The following GPR39 variants were observed in gnomAD, a reference collection of about 807,000 sequenced individuals.
GPR39 encodes the protein zinc sensing receptor.
A neutral mutation model predicts 18.4 loss-of-function variants in GPR39; 23 were observed. That is an observed-to-expected ratio of 1.25 (90% confidence interval 0.90 to 1.77). The LOEUF (loss-of-function observed/expected upper bound fraction) is 1.77. GPR39 is among the 40% of genes most tolerant of loss of function. GPR39 has a pLI of 0.00. For missense variants in GPR39, 647 were observed against 602.4 expected, an observed-to-expected ratio of 1.07 and a Z score of -0.78; for synonymous variants, 280 against 257.9, an observed-to-expected ratio of 1.09 and a Z score of -0.82.
At chr2:132,501,231 T>G (rs1679031443) in intron 1 of GPR39, among the ~76,000 whole-genome samples, 1 of 152,088 alleles carries the variant, frequency 6.6e-6, no homozygotes. Flanking sequence ...TTTAATGCTA[T>G]GAACTTTCCT....
At chr2:132,508,366 A>C (rs1679174278) in intron 1 of GPR39, among the ~76,000 whole-genome samples, 1 of 152,150 alleles carries the variant, frequency 6.6e-6, no homozygotes, top group Non-Finnish European at 1.5e-5. Flanking sequence ...CCAACATTAA[A>C]CACTAAGCTC....
At chr2:132,543,988 C>A (rs1247528022) in intron 1 of GPR39, among the ~76,000 whole-genome samples, 1 of 152,152 alleles carries the variant, frequency 6.6e-6, no homozygotes, top group South Asian at 2.1e-4. Context: ...TGGCCCATGG[C>A]ATGACTTTCT....
rs1178368012 is a variant in GPR39 at position 132,646,121 on chromosome 2, G to A, written c.*515G>A. 6.2e-7 allele frequency: 1 copy of A among 1,610,140 alleles called. No individual in the cohort carries two copies. Among genetic ancestry groups the A allele is most frequent in the Non-Finnish European group, 8.5e-7 (1 of 1,177,928 alleles). On this transcript the variant is annotated 3_prime_UTR_variant, in exon 2 of 2. Transcript: ENST00000329321. Reference sequence around the variant, plus strand: ...GAGCCCTGGCCTGAGGGCCGAGGCAGAACTTCCCCTTTTCTTGGGCCTTGG... The same window carrying A: ...GAGCCCTGGCCTGAGGGCCGAGGCAAAACTTCCCCTTTTCTTGGGCCTTGG...
chr2:132,589,524 C>G (rs1680791563), intron 1 of GPR39, among the ~76,000 whole-genome samples: 2 of 152,164 alleles, frequency 1.3e-5, no homozygotes, highest in African/African-American at 4.8e-5. Flanking sequence ...TCTTTGAGTT[C>G]CAGCTCAGAT....
chr2:132,490,633 T>A (rs1022155770), intron 1 of GPR39, among the ~76,000 whole-genome samples: 1 of 151,826 alleles, frequency 6.6e-6, no homozygotes, highest in Non-Finnish European at 1.5e-5. Context: ...GACCTGGGAA[T>A]GTGAGGCAGG....
At chr2:132,612,228 C>T (rs986653188) in intron 1 of GPR39, among the ~76,000 whole-genome samples, 4 of 152,088 alleles carry the variant, frequency 2.6e-5, no homozygotes, top group Admixed American at 6.5e-5. Flanking sequence ...ATTTGCTCTC[C>T]ATCTCAGGAG....
intron 1 of GPR39, among the ~76,000 whole-genome samples, chr2:132,521,022 G>T (rs947184174): frequency 1.3e-5 from 2 of 152,166 alleles, no homozygotes; most frequent in Non-Finnish European, 2.9e-5. Context: ...GCCTGGAAAT[G>T]GGCTGTTCAG....
chr2:132,549,389 T>C (rs3115022), intron 1 of GPR39, among the ~76,000 whole-genome samples: 60,437 of 151,992 alleles, frequency 0.4, 12,971 homozygotes, highest in African/African-American at 0.56. Context: ...ACAGGTTTCC[T>C]TCAGAGTCCC....
At chr2:132,582,072 C>T (rs1459142240) in intron 1 of GPR39, among the ~76,000 whole-genome samples, 1 of 152,192 alleles carries the variant, frequency 6.6e-6, no homozygotes, top group Non-Finnish European at 1.5e-5. Flanking sequence ...GATTAAGTGA[C>T]AGGTGTGCTG....
chr2:132,425,544 C>T (rs1471172768), intron 1 of GPR39, among the ~76,000 whole-genome samples: 1 of 152,178 alleles, frequency 6.6e-6, no homozygotes, highest in African/African-American at 2.4e-5. Context: ...CTCCAAAATG[C>T]CTGGTCCATA....
At chr2:132,601,242 C>G in intron 1 of GPR39, among the ~76,000 whole-genome samples, 1 of 152,102 alleles carries the variant, frequency 6.6e-6, no homozygotes, top group East Asian at 1.9e-4. Flanking sequence ...AATCTAACAG[C>G]ACATCAAAAA....
chr2:132,482,300 C>G (rs1681250242), intron 1 of GPR39, among the ~76,000 whole-genome samples: 2 of 152,162 alleles, frequency 1.3e-5, no homozygotes, highest in African/African-American at 4.8e-5. Context: ...TCATTTTTGA[C>G]CCAGTGTTCA....
chr2:132,608,854 C>T (rs1012155378), intron 1 of GPR39, among the ~76,000 whole-genome samples: 3 of 152,150 alleles, frequency 2.0e-5, no homozygotes, highest in African/African-American at 7.2e-5. Context: ...ATGGCATTTT[C>T]CTGGCATGTG....
intron 1 of GPR39, among the ~76,000 whole-genome samples, chr2:132,490,756 G>A (rs1003304024): frequency 2.0e-5 from 3 of 150,208 alleles, no homozygotes; most frequent in Non-Finnish European, 4.4e-5. Context: ...GACTGAGTGG[G>A]TTTGCTTCTA....
intron 1 of GPR39, among the ~76,000 whole-genome samples, chr2:132,502,649 T>G (rs1345662910): frequency 6.6e-6 from 1 of 152,184 alleles, no homozygotes; most frequent in African/African-American, 2.4e-5. Flanking sequence ...TCTCAATTAT[T>G]CCCTCAAATA....
chr2:132,509,873 A>G (rs757941300), intron 1 of GPR39, among the ~76,000 whole-genome samples: 3 of 152,102 alleles, frequency 2.0e-5, no homozygotes, highest in Non-Finnish European at 4.4e-5. Flanking sequence ...GTCCTGAAGC[A>G]CCTAGATGGA....
At chr2:132,640,711 T>C (rs1054931742) in intron 1 of GPR39, among the ~76,000 whole-genome samples, 1 of 152,184 alleles carries the variant, frequency 6.6e-6, no homozygotes, top group African/African-American at 2.4e-5. Context: ...ATACACTCTA[T>C]TAGGGCGTGA....
At chr2:132,490,094 T>C (rs111836970) in intron 1 of GPR39, among the ~76,000 whole-genome samples, 8,243 of 151,922 alleles carry the variant, frequency 0.054, 823 homozygotes, top group African/African-American at 0.19. Context: ...TGCCAAAGCC[T>C]GGCTCACTGG....
intron 1 of GPR39, among the ~76,000 whole-genome samples, chr2:132,578,766 A>T (rs1413553650): frequency 6.6e-6 from 1 of 152,086 alleles, no homozygotes; most frequent in African/African-American, 2.4e-5. Context: ...TATCTAAGTT[A>T]TCAAATATAT....
Sources: allele counts gnomAD v4.1 joint callset (sites outside exome capture counted in the v4.1 genomes callset), GRCh38; gene constraint gnomAD v4.1.1; transcripts MANE v1.5; gene names NCBI Gene and HGNC (gene_info 2026-07-23, HGNC 2026-07-21).